The following CADM2 variants were observed in gnomAD, a reference collection of about 807,000 sequenced individuals.
CADM2 encodes the protein cell adhesion molecule 2, also known as immunoglobulin superfamily member 4D.
Under a neutral mutation model 49.8 loss-of-function variants are expected in CADM2, and 12 were observed. The ratio of observed to expected loss-of-function variants is 0.24; its 90% CI spans 0.15 to 0.39. CADM2 has a LOEUF of 0.39. Among genes scored for constraint, CADM2 ranks in the 10% least tolerant of loss-of-function variants. The pLI, the probability that CADM2 is intolerant of heterozygous loss-of-function variation, is 1.00. For synonymous variants in CADM2, 214 were observed against 175.4 expected, an observed-to-expected ratio of 1.22 and a Z score of -1.74; for missense variants, 378 against 492.3, an observed-to-expected ratio of 0.77 and a Z score of 2.20.
chr3:85,686,724 C>T (rs1199016620), intron 1 of CADM2, among the ~76,000 whole-genome samples: 1 of 152,086 alleles, frequency 6.6e-6, no homozygotes, highest in Non-Finnish European at 1.5e-5. Context: ...GGCAAACCTG[C>T]CCCCCATTCT....
At chr3:85,803,895 T>C (rs984921837) in intron 3 of CADM2, among the ~76,000 whole-genome samples, 3 of 152,186 alleles carry the variant, frequency 2.0e-5, no homozygotes, top group African/African-American at 7.2e-5. Context: ...TGACATTTAA[T>C]ATAAAATTAT....
intron 1 of CADM2, among the ~76,000 whole-genome samples, chr3:85,174,738 AT>A (rs1372426794): frequency 6.6e-6 from 1 of 152,102 alleles, no homozygotes; most frequent in Non-Finnish European, 1.5e-5. Context: ...AGTTGGAGAA[AT>A]TTTTCCCGAT....
At chr3:85,973,318 G>A (rs565581520) in intron 8 of CADM2, among the ~76,000 whole-genome samples, 1 of 151,724 alleles carries the variant, frequency 6.6e-6, no homozygotes, top group East Asian at 2.0e-4. Flanking sequence ...AGTGCACCAT[G>A]GCCATGCCTG....
At chr3:85,996,149 A>G (rs929020047) in intron 8 of CADM2, among the ~76,000 whole-genome samples, 9 of 151,096 alleles carry the variant, frequency 6.0e-5, no homozygotes, top group African/African-American at 1.4e-4. Flanking sequence ...TTGTTCATTA[A>G]TATTGTAAGA....
rs1334639181 is a variant in CADM2, at chr3:85,685,626, T to G, written c.62-40896T>G. 4.0e-5 allele frequency among the ~76,000 whole-genome samples: 6 copies of G among 148,806 alleles called. No homozygotes were observed. In the East Asian group the frequency reaches 1.2e-3, roughly 29 times the overall value. On this transcript the variant is annotated intron_variant, in intron 1 of 9. Coordinates refer to ENST00000383699, the MANE Select transcript of CADM2 (RefSeq NM_001167675.2). Reference sequence around the variant, plus strand: ...CATTTTCTTTCTTTCTTTTTTTTTTTTTTTTTTTTGTTTTTAAGACGGAGT... The same window carrying G: ...CATTTTCTTTCTTTCTTTTTTTTTTGTTTTTTTTTGTTTTTAAGACGGAGT...
chr3:85,547,891 C>G (rs1300226246), intron 1 of CADM2, among the ~76,000 whole-genome samples: 1 of 152,132 alleles, frequency 6.6e-6, no homozygotes, highest in Non-Finnish European at 1.5e-5. Context: ...AACATGTTGG[C>G]CACTGTAGGT....
chr3:86,017,979 A>G (rs1322449614), intron 8 of CADM2, among the ~76,000 whole-genome samples: 2 of 131,000 alleles, frequency 1.5e-5, no homozygotes, highest in Non-Finnish European at 3.2e-5. Flanking sequence ...TGCACCCACT[A>G]ACTCGTCATC....
At chr3:85,491,548 T>G (rs1226797144) in intron 1 of CADM2, among the ~76,000 whole-genome samples, 1 of 152,098 alleles carries the variant, frequency 6.6e-6, no homozygotes. Flanking sequence ...TTCAAAACAT[T>G]TTGAAAAGTT....
intron 1 of CADM2, among the ~76,000 whole-genome samples, chr3:85,228,441 A>G (rs1186934170): frequency 1.3e-5 from 2 of 150,920 alleles, no homozygotes; most frequent in African/African-American, 4.9e-5. Context: ...TTTTCTCCCC[A>G]TCTTTGTGGT....
intron 1 of CADM2, among the ~76,000 whole-genome samples, chr3:85,284,374 A>G (rs2043576825): frequency 1.3e-5 from 2 of 152,134 alleles, no homozygotes; most frequent in South Asian, 4.1e-4. Context: ...TAAACACAAC[A>G]TATATAATAA....
At chr3:85,316,284 T>C (rs187939956) in intron 1 of CADM2, among the ~76,000 whole-genome samples, 5 of 152,312 alleles carry the variant, frequency 3.3e-5, no homozygotes, top group Admixed American at 6.5e-5. Flanking sequence ...GTATGTTTAC[T>C]TTACAGTAAT....
At chr3:85,101,511 G>A (rs1021280414) in intron 1 of CADM2, among the ~76,000 whole-genome samples, 6 of 151,944 alleles carry the variant, frequency 3.9e-5, no homozygotes, top group Admixed American at 1.3e-4. Context: ...TGATTCCTTA[G>A]CATTTTAATA....
chr3:85,742,672 T>G (rs1199647766), intron 2 of CADM2, among the ~76,000 whole-genome samples: 3 of 152,212 alleles, frequency 2.0e-5, no homozygotes, highest in Non-Finnish European at 4.4e-5. Context: ...AATTACAGCA[T>G]GCCTGAAATC....
chr3:84,977,997 CAA>C (rs988461377), intron 1 of CADM2, among the ~76,000 whole-genome samples: 1 of 151,964 alleles, frequency 6.6e-6, no homozygotes, highest in Non-Finnish European at 1.5e-5. Flanking sequence ...AAGGCATTTG[CAA>C]AAAGTTTGTC....
chr3:85,595,638 T>C (rs1207968003), intron 1 of CADM2, among the ~76,000 whole-genome samples: 2 of 151,996 alleles, frequency 1.3e-5, no homozygotes, highest in Non-Finnish European at 2.9e-5. Flanking sequence ...TAGATTATAA[T>C]TGTCCAGTGT....
At chr3:85,607,829 G>C (rs1262708323) in intron 1 of CADM2, among the ~76,000 whole-genome samples, 1 of 151,720 alleles carries the variant, frequency 6.6e-6, no homozygotes, top group Admixed American at 6.6e-5. Context: ...GCTAATTTTT[G>C]TATTTTTAGT....
intron 1 of CADM2, among the ~76,000 whole-genome samples, chr3:85,355,813 G>C (rs1254985856): frequency 6.6e-6 from 1 of 152,036 alleles, no homozygotes; most frequent in South Asian, 2.1e-4. Flanking sequence ...GTTTGATGCA[G>C]AATAAAGGAG....
chr3:85,939,653 G>A (rs569480258), intron 7 of CADM2, among the ~76,000 whole-genome samples: 19 of 151,794 alleles, frequency 1.3e-4, no homozygotes, highest in African/African-American at 4.1e-4. Context: ...GACATTTTCA[G>A]TGAGATAAAT....
intron 1 of CADM2, among the ~76,000 whole-genome samples, chr3:85,093,021 T>A (rs532473522): frequency 6.6e-6 from 1 of 152,294 alleles, no homozygotes; most frequent in South Asian, 2.1e-4. Context: ...TCTGTAATAT[T>A]CTTCCCCTTT....
Sources: allele counts gnomAD v4.1 joint callset (sites outside exome capture counted in the v4.1 genomes callset), GRCh38; gene constraint gnomAD v4.1.1; transcripts MANE v1.5; gene names NCBI Gene and HGNC (gene_info 2026-07-23, HGNC 2026-07-21).